The following PLCL2 variants were observed in gnomAD, a reference collection of about 807,000 sequenced individuals.
PLCL2 encodes inactive phospholipase C-like protein 2.
In PLCL2, 4 loss-of-function variants were observed where a neutral mutation model predicts 79.6. The ratio of observed to expected loss-of-function variants is 0.05; its 90% CI spans 0.02 to 0.11. The LOEUF is 0.11. PLCL2 is among the 10% of genes least tolerant of loss of function. The pLI, the probability that PLCL2 is intolerant of heterozygous loss-of-function variation, is 1.00. For synonymous variants in PLCL2, 484 were observed against 457.7 expected (o/e 1.06, Z -0.73); for missense variants, 895 against 1,291.0 (o/e 0.69, Z 4.70).
At chr3:16,975,898 C>T (rs947931220) in intron 1 of PLCL2, among the ~76,000 whole-genome samples, 3 of 152,166 alleles carry the variant, frequency 2.0e-5, no homozygotes, top group African/African-American at 7.2e-5. Flanking sequence ...AGGTGTAGCT[C>T]TCTTTGGCTC....
intron 1 of PLCL2, among the ~76,000 whole-genome samples, chr3:16,972,051 T>G (rs2063874778): frequency 6.6e-6 from 1 of 151,936 alleles, no homozygotes; most frequent in Admixed American, 6.6e-5. Context: ...GAGCTATCTA[T>G]GACATACCCA....
chr3:17,075,811 T>C (rs2124949589), intron 5 of PLCL2, among the ~76,000 whole-genome samples: 1 of 152,378 alleles, frequency 6.6e-6, no homozygotes, highest in South Asian at 2.1e-4. Context: ...TCATGTAGCA[T>C]TGTGCTTTTG....
intron 4 of PLCL2, among the ~76,000 whole-genome samples, chr3:17,054,360 G>T (rs1218541895): frequency 1.3e-5 from 2 of 152,114 alleles, no homozygotes; most frequent in Non-Finnish European, 2.9e-5. Flanking sequence ...AATTTAACAA[G>T]TCTCTAGGAA....
intron 3 of PLCL2, among the ~76,000 whole-genome samples, chr3:17,015,579 T>C (rs1480649391): frequency 2.0e-5 from 3 of 152,236 alleles, no homozygotes; most frequent in African/African-American, 7.2e-5. Flanking sequence ...AAGTGTATGA[T>C]GTAGTTGAAG....
chr3:16,956,147 A>G (rs1345024687), intron 1 of PLCL2, among the ~76,000 whole-genome samples: 1 of 151,628 alleles, frequency 6.6e-6, no homozygotes, highest in African/African-American at 2.4e-5. Context: ...CCCATTCAGT[A>G]TGATATTGGC....
chr3:17,019,458 T>G (rs74493310), intron 3 of PLCL2, among the ~76,000 whole-genome samples: 6 of 152,162 alleles, frequency 3.9e-5, no homozygotes, highest in Non-Finnish European at 8.8e-5. Flanking sequence ...GGCACCCAAG[T>G]GGTATCTCTG....
At chr3:17,034,749 G>T (rs1398644151) in intron 3 of PLCL2, among the ~76,000 whole-genome samples, 2 of 152,188 alleles carry the variant, frequency 1.3e-5, no homozygotes, top group Non-Finnish European at 2.9e-5. Flanking sequence ...GTTTATATCA[G>T]TTAGCCTAGG....
chr3:16,900,996 A>G (rs911311874), intron 1 of PLCL2, among the ~76,000 whole-genome samples: 5 of 152,360 alleles, frequency 3.3e-5, no homozygotes, highest in South Asian at 2.1e-4. Context: ...TTGAGAAACC[A>G]AAGAGTTGTT....
chr3:17,086,873 G>A (rs973526708), intron 5 of PLCL2, among the ~76,000 whole-genome samples: 4 of 152,118 alleles, frequency 2.6e-5, no homozygotes, highest in South Asian at 4.1e-4. Context: ...CAGTCACCTC[G>A]CCAAAGAAGA....
rs1409217370 is a variant in PLCL2, at chr3:16,966,824, A to T, written c.328-42850A>T. On this transcript the variant is annotated intron_variant, in intron 1 of 5. Transcript: ENST00000615277. ...AAATGATTTTTTTTACTTTTATTTTAAGTTCAGAGGTCACGGGAGTTTGAT... is the reference window on the plus strand; with the variant it reads ...AAATGATTTTTTTTACTTTTATTTTTAGTTCAGAGGTCACGGGAGTTTGAT... Among the ~76,000 whole-genome samples, 7 of 151,868 alleles carry T rather than the reference A, an allele frequency of 4.6e-5. No homozygotes were observed. The East Asian group carries it at 1.4e-3, about 29-fold the overall frequency.
At chr3:16,908,322 AAAT>A (rs1696795895) in intron 1 of PLCL2, among the ~76,000 whole-genome samples, 2 of 152,164 alleles carry the variant, frequency 1.3e-5, no homozygotes, top group Admixed American at 6.5e-5. Flanking sequence ...TATATCTGTA[AAAT>A]AATAATAATT....
intron 1 of PLCL2, among the ~76,000 whole-genome samples, chr3:16,944,795 T>C (rs1383413388): frequency 6.6e-6 from 1 of 151,970 alleles, no homozygotes; most frequent in African/African-American, 2.4e-5. Flanking sequence ...AGTCTCCTTC[T>C]GTCGCCCAGG....
At chr3:17,041,576 CAA>C (rs945498024) in intron 3 of PLCL2, among the ~76,000 whole-genome samples, 5 of 152,186 alleles carry the variant, frequency 3.3e-5, no homozygotes, top group Non-Finnish European at 7.4e-5. Flanking sequence ...TTGAATTATG[CAA>C]ATAATCCAAC....
At chr3:16,999,635 T>C (rs1473464398) in intron 1 of PLCL2, among the ~76,000 whole-genome samples, 1 of 152,220 alleles carries the variant, frequency 6.6e-6, no homozygotes, top group African/African-American at 2.4e-5. Context: ...CATGCAGTGC[T>C]AGCTCACATC....
rs1173216269 is a variant in PLCL2 at position 17,008,126 on chromosome 3, G to A, written c.328-1548G>A. Among the ~76,000 whole-genome samples the A allele has an allele frequency of 2.6e-5, 4 of 152,070 alleles. No homozygotes were observed. The East Asian group carries it at 5.8e-4, about 22-fold the overall frequency. On this transcript the variant is annotated intron_variant, in intron 1 of 5. Transcript: ENST00000615277. ...ACTTCTTTAGAAATAAGTGCTGCCT[G>A]AAGTTTTAAACTTAGTCCTTTTAAT...
At chr3:17,058,564 T>C (rs1242370500) in intron 4 of PLCL2, among the ~76,000 whole-genome samples, 1 of 152,038 alleles carries the variant, frequency 6.6e-6, no homozygotes, top group East Asian at 1.9e-4. Flanking sequence ...TTTGGACAAG[T>C]TAAGTTTGAT....
At chr3:17,019,690 A>AATAT (rs1242295378) in intron 3 of PLCL2, among the ~76,000 whole-genome samples, 2 of 152,242 alleles carry the variant, frequency 1.3e-5, no homozygotes, top group Non-Finnish European at 2.9e-5. Flanking sequence ...AGGCAGATTT[A>AATAT]ATGCACTTAA....
In PLCL2 at chr3:17,043,086, C is replaced by T. The variant is rs568490144; in HGVS notation, c.3094+137C>T. The T allele has an allele frequency of 6.4e-6, 4 of 622,740 alleles. No individual in the cohort carries two copies. The South Asian group carries it at 7.3e-5, about 11-fold the overall frequency. 38.6% of individuals were successfully genotyped at this position (622,740 alleles called of 1,614,324 possible). The stretch of plus-strand genomic sequence containing the variant: ...TATTTTTCTATGGCTAAAGAAAATA[C>T]CAATTCAGTGGTTCTCAGCCTTGGG... On this transcript the variant is annotated intron_variant, in intron 4 of 5. Coordinates refer to ENST00000615277, the MANE Select transcript of PLCL2 (RefSeq NM_001144382.2).
At chr3:16,892,439 CT>C (rs1419580551) in intron 1 of PLCL2, among the ~76,000 whole-genome samples, 96,426 of 151,884 alleles carry the variant, frequency 0.63, 31,027 homozygotes, top group East Asian at 0.86. Context: ...GGGATTTAAT[CT>C]GTTTTTTGGT....
Sources: allele counts gnomAD v4.1 joint callset (sites outside exome capture counted in the v4.1 genomes callset), GRCh38; gene constraint gnomAD v4.1.1; transcripts MANE v1.5; gene names NCBI Gene and HGNC (gene_info 2026-07-23, HGNC 2026-07-21).